NCAM2: variants seen among roughly 807,000 people sequenced by gnomAD.
The protein encoded by NCAM2 is neural cell adhesion molecule 2.
A neutral mutation model predicts 98.1 loss-of-function variants in NCAM2; 30 were observed. The observed-to-expected ratio is 0.31, with a 90% CI of 0.23 to 0.41. The LOEUF is 0.41. NCAM2 is among the 10% of genes least tolerant of loss of function. The pLI, the probability that NCAM2 is intolerant of heterozygous loss-of-function variation, is 1.00. For missense variants in NCAM2, 867 were observed against 1,005.8 expected, an observed-to-expected ratio of 0.86 and a Z score of 1.87; for synonymous variants, 368 against 342.4, an observed-to-expected ratio of 1.07 and a Z score of -0.83.
At chr21:21,399,939 A>T (rs1216627897) in intron 9 of NCAM2, among the ~76,000 whole-genome samples, 1 of 152,340 alleles carries the variant, frequency 6.6e-6, no homozygotes, top group Admixed American at 6.5e-5. Context: ...TCAAGTCAAG[A>T]AATCTCATAC....
rs950590214 is a variant in NCAM2, at chr21:21,430,245, C to T, written c.1481-1863C>T. On this transcript the variant is annotated intron_variant, in intron 11 of 17. Coordinates refer to ENST00000400546, the MANE Select transcript of NCAM2 (RefSeq NM_004540.5). ...GTTTCACCATGTTGACCAGGCTGGT[C>T]TCAAACTCCTGACCTCAAGTAATCC... Among the ~76,000 whole-genome samples the T allele has an allele frequency of 2.0e-5, 3 of 151,758 alleles. No individual in the cohort carries two copies. The South Asian group carries it at 6.2e-4, about 32-fold the overall frequency.
chr21:21,523,865 A>G (rs1223404582), intron 16 of NCAM2, among the ~76,000 whole-genome samples: 3 of 151,804 alleles, frequency 2.0e-5, no homozygotes, highest in Admixed American at 6.6e-5. Context: ...ATAGTGAAAG[A>G]CAAAAACTGA....
At chr21:21,234,862 T>C (rs896806375) in intron 1 of NCAM2, among the ~76,000 whole-genome samples, 1 of 152,032 alleles carries the variant, frequency 6.6e-6, no homozygotes, top group African/African-American at 2.4e-5. Flanking sequence ...GAATAAATTG[T>C]TCAGTAGATT....
At chr21:21,142,365 GTTTTTTTTTATGTT>G (rs2067185014) in intron 1 of NCAM2, among the ~76,000 whole-genome samples, 2 of 120,540 alleles carry the variant, frequency 1.7e-5, no homozygotes, top group Admixed American at 1.8e-4. Context: ...TTATTTGACC[GTTTTTTTTTATGTT>G]TTTTTTTTTT....
At chr21:21,221,876 C>T (rs1410269149) in intron 1 of NCAM2, among the ~76,000 whole-genome samples, 3 of 152,106 alleles carry the variant, frequency 2.0e-5, no homozygotes, top group East Asian at 1.9e-4. Flanking sequence ...ATCTATGTGA[C>T]TTTCATAGCT....
At chr21:21,376,657 T>C (rs1252929652) in intron 9 of NCAM2, among the ~76,000 whole-genome samples, 1 of 151,804 alleles carries the variant, frequency 6.6e-6, no homozygotes, top group Non-Finnish European at 1.5e-5. Flanking sequence ...ATAACTTTAA[T>C]ACGAAAAAAG....
At chr21:21,273,173 C>T (rs968160414) in intron 1 of NCAM2, among the ~76,000 whole-genome samples, 1 of 152,124 alleles carries the variant, frequency 6.6e-6, no homozygotes, top group Non-Finnish European at 1.5e-5. Context: ...CAATCCTTTG[C>T]CTCAGCCTTC....
At chr21:21,199,175 C>T (rs904393416) in intron 1 of NCAM2, among the ~76,000 whole-genome samples, 16 of 152,112 alleles carry the variant, frequency 1.1e-4, no homozygotes, top group African/African-American at 3.9e-4. Context: ...CATCTAATAT[C>T]TCCAGGATAT....
intron 5 of NCAM2, 141 bp from the exon 6 acceptor site, chr21:21,324,242 G>A (rs1446784455): frequency 1.7e-6 from 1 of 583,154 alleles, no homozygotes; most frequent in South Asian, 2.7e-5. Flanking sequence ...TTATTTTACT[G>A]TGAAACCAAA....
At chr21:21,171,797 C>T (rs973643191) in intron 1 of NCAM2, among the ~76,000 whole-genome samples, 3 of 151,928 alleles carry the variant, frequency 2.0e-5, no homozygotes, top group East Asian at 1.9e-4. Context: ...TTATTGTACT[C>T]GAGAATGCTA....
At chr21:21,262,964 C>G (rs927239166) in intron 1 of NCAM2, among the ~76,000 whole-genome samples, 2 of 151,952 alleles carry the variant, frequency 1.3e-5, no homozygotes, top group East Asian at 3.9e-4. Context: ...AAGACCTGCC[C>G]CCATGATTCA....
At chr21:21,407,757 T>C (rs1410276067) in intron 9 of NCAM2, among the ~76,000 whole-genome samples, 3 of 152,200 alleles carry the variant, frequency 2.0e-5, no homozygotes, top group African/African-American at 7.2e-5. Context: ...ATTGAGTTTA[T>C]TTGTAATTAT....
At chr21:21,269,468 C>A (rs1411187077) in intron 1 of NCAM2, among the ~76,000 whole-genome samples, 1 of 152,072 alleles carries the variant, frequency 6.6e-6, no homozygotes, top group Non-Finnish European at 1.5e-5. Flanking sequence ...TTAGATATTT[C>A]TTTGATTATA....
intron 1 of NCAM2, among the ~76,000 whole-genome samples, chr21:21,238,040 C>T (rs2070910027): frequency 6.6e-6 from 1 of 150,804 alleles, no homozygotes; most frequent in Non-Finnish European, 1.5e-5. Context: ...ACTGCAACCC[C>T]TACCTCCTGG....
intron 1 of NCAM2, among the ~76,000 whole-genome samples, chr21:21,265,178 TATATATA>T (rs2072175009): frequency 8.1e-6 from 1 of 123,406 alleles, no homozygotes; most frequent in African/African-American, 2.9e-5. Context: ...ATTATATATG[TATATATA>T]ATATATGTGT....
At chr21:21,024,583 A>G (rs1335748001) in intron 1 of NCAM2, among the ~76,000 whole-genome samples, 1 of 152,198 alleles carries the variant, frequency 6.6e-6, no homozygotes, top group Non-Finnish European at 1.5e-5. Context: ...ACTTTAAAAA[A>G]TGTACATTGG....
At chr21:21,519,125 T>C (rs543627350) in intron 16 of NCAM2, among the ~76,000 whole-genome samples, 1 of 152,070 alleles carries the variant, frequency 6.6e-6, no homozygotes, top group Non-Finnish European at 1.5e-5. Context: ...AAAGAGAAAC[T>C]GGTATAAATA....
At chr21:21,180,157 A>G (rs1412885974) in intron 1 of NCAM2, among the ~76,000 whole-genome samples, 1 of 152,270 alleles carries the variant, frequency 6.6e-6, no homozygotes, top group Middle Eastern at 3.4e-3. Context: ...GGACGTTCCA[A>G]TGGGTGCTGA....
intron 16 of NCAM2, among the ~76,000 whole-genome samples, chr21:21,532,367 T>C (rs1989752564): frequency 6.6e-6 from 1 of 152,074 alleles, no homozygotes; most frequent in East Asian, 1.9e-4. Context: ...GATATCTGTG[T>C]AGAATGTCTC....
Sources: gnomAD v4.1 joint callset for allele counts (sites outside exome capture counted in the v4.1 genomes callset) on GRCh38, gnomAD v4.1.1 for gene constraint, MANE v1.5 for transcripts, NCBI Gene and HGNC (gene_info 2026-07-23, HGNC 2026-07-21) for gene names.